The following LANCL2 variants were observed in gnomAD, a reference collection of about 807,000 sequenced individuals.
LANCL2 encodes lanC-like protein 2.
In LANCL2, 33 loss-of-function variants were observed where a neutral mutation model predicts 56.9. The observed-to-expected ratio is 0.58, with a 90% CI of 0.44 to 0.78. LANCL2 has a LOEUF of 0.78. Ranked by LOEUF, LANCL2 falls within the 30% of genes least tolerant of loss-of-function variation. The probability of loss-of-function intolerance (pLI) is 0.00; values close to 1 mark genes in which losing one functional copy is unlikely to be tolerated. For missense variants in LANCL2, 562 were observed against 580.2 expected, an observed-to-expected ratio of 0.97 and a Z score of 0.32; for synonymous variants, 233 against 228.2, an observed-to-expected ratio of 1.02 and a Z score of -0.19.
intron 5 of LANCL2, among the ~76,000 whole-genome samples, chr7:55,409,398 G>C (rs1312686014): frequency 6.6e-6 from 1 of 152,092 alleles, no homozygotes; most frequent in African/African-American, 2.4e-5. Flanking sequence ...CAACTTCCAA[G>C]TTTTGAGTAA....
In LANCL2 at chr7:55,398,711, A is replaced by G. The variant is rs557305726; in HGVS notation, c.530+81A>G. ...TAGAAAGATATTCAGAAAGGAAACTATTTTTCCATTCATCCATTGTTGTAA... is the reference window on the plus strand; with the variant it reads ...TAGAAAGATATTCAGAAAGGAAACTGTTTTTCCATTCATCCATTGTTGTAA... On this transcript the variant is annotated intron_variant, in intron 3 of 8. Coordinates refer to ENST00000254770, the MANE Select transcript of LANCL2 (RefSeq NM_018697.4). The G allele has an allele frequency of 1.4e-4, 149 of 1,074,054 alleles. No homozygotes were observed. In the South Asian group the frequency reaches 1.8e-3, roughly 13 times the overall value. 66.5% of individuals were successfully genotyped at this position (1,074,054 alleles called of 1,614,324 possible).
In LANCL2 at chr7:55,391,014, C is replaced by CT. The variant is rs576740411; in HGVS notation, c.205-759dup. Among the ~76,000 whole-genome samples the CT allele has an allele frequency of 9.5e-3, 1,075 of 113,724 alleles. 15 individuals are homozygous for CT. The highest frequency in any genetic ancestry group is 0.014 in the Non-Finnish European group (752 of 55,604). The allele number at this position is 113,724 out of a possible 152,430, so 74.6% of individuals were successfully genotyped here. On this transcript the variant is annotated intron_variant, in intron 1 of 8. Transcript: ENST00000254770. ...TTTCATTAGTTACTGAGTGATTGAA[C>CT]TTTTTTTTTTTTTTTTTTTTGAGAT...
intron 7 of LANCL2, among the ~76,000 whole-genome samples, chr7:55,427,872 CG>C (rs1438369578): frequency 6.6e-6 from 1 of 152,038 alleles, no homozygotes; most frequent in Non-Finnish European, 1.5e-5. Flanking sequence ...GGCTGAGGGC[CG>C]GGGGCTGGGA....
At chr7:55,391,736 A>G (rs991871871) in intron 1 of LANCL2, 57 bp from the exon 2 acceptor site, 1 of 929,624 alleles carries the variant, frequency 1.1e-6, no homozygotes, top group Non-Finnish European at 1.8e-6. Flanking sequence ...TAAAGTATTT[A>G]TTGCAACATT....
intron 6 of LANCL2, among the ~76,000 whole-genome samples, chr7:55,415,567 T>G (rs896495358): frequency 6.6e-6 from 1 of 150,840 alleles, no homozygotes; most frequent in Admixed American, 6.6e-5. Flanking sequence ...GATACCTTCT[T>G]AATTTTAAGC....
At chr7:55,369,502 T>G (rs1789913451) in intron 1 of LANCL2, among the ~76,000 whole-genome samples, 1 of 152,340 alleles carries the variant, frequency 6.6e-6, no homozygotes, top group Non-Finnish European at 1.5e-5. Flanking sequence ...TTTTACAATA[T>G]TGGGCCAATA....
chr7:55,410,458 G>A (rs924196398), intron 5 of LANCL2, among the ~76,000 whole-genome samples: 6 of 152,058 alleles, frequency 3.9e-5, no homozygotes, highest in African/African-American at 1.4e-4. Flanking sequence ...TTAACTTTTT[G>A]TTGAAGAAAT....
intron 1 of LANCL2, among the ~76,000 whole-genome samples, chr7:55,385,606 A>G (rs1386558220): frequency 1.3e-5 from 2 of 152,230 alleles, no homozygotes; most frequent in Non-Finnish European, 2.9e-5. Flanking sequence ...TGGGTGACAG[A>G]CATCAAGTAC....
intron 6 of LANCL2, among the ~76,000 whole-genome samples, chr7:55,423,748 A>G (rs953240378): frequency 3.9e-5 from 6 of 152,214 alleles, no homozygotes; most frequent in African/African-American, 1.4e-4. Flanking sequence ...AAACTAAGAC[A>G]TAGACTTTCA....
chr7:55,400,284 C>G (rs978757370), intron 4 of LANCL2, among the ~76,000 whole-genome samples, 180 bp downstream of exon 4: 5 of 152,206 alleles, frequency 3.3e-5, no homozygotes, highest in Admixed American at 2.0e-4. Flanking sequence ...AATCTGTACT[C>G]TCTTTCATCT....
chr7:55,412,339 AGAT>A (rs1790480963), intron 6 of LANCL2, among the ~76,000 whole-genome samples: 1 of 152,260 alleles, frequency 6.6e-6, no homozygotes, highest in Admixed American at 6.5e-5. Context: ...AAGAAAACCT[AGAT>A]GACAGAGCAG....
intron 8 of LANCL2, among the ~76,000 whole-genome samples, chr7:55,430,855 A>G (rs1469120074): frequency 5.3e-5 from 8 of 152,232 alleles, no homozygotes; most frequent in Admixed American, 3.3e-4. Context: ...TTCAAATATC[A>G]AGAAGATATA....
intron 1 of LANCL2, among the ~76,000 whole-genome samples, chr7:55,387,541 T>G (rs77843345): frequency 7.2e-6 from 1 of 139,820 alleles, no homozygotes; most frequent in Non-Finnish European, 1.6e-5. Context: ...TTTTTTTTGG[T>G]TTTTTTTTTT....
intron 1 of LANCL2, among the ~76,000 whole-genome samples, chr7:55,370,913 T>G (rs1372587955): frequency 6.6e-6 from 1 of 152,236 alleles, no homozygotes; most frequent in African/African-American, 2.4e-5. Flanking sequence ...TAAAATTGTA[T>G]ATTTAAGGTA....
intron 6 of LANCL2, among the ~76,000 whole-genome samples, chr7:55,416,749 A>G (rs1281311357): frequency 1.3e-5 from 2 of 152,072 alleles, no homozygotes; most frequent in African/African-American, 4.8e-5. Flanking sequence ...TCTTTATGGT[A>G]TCTTTTGACT....
chr7:55,393,821 T>C (rs564027910), intron 2 of LANCL2, among the ~76,000 whole-genome samples: 2 of 152,216 alleles, frequency 1.3e-5, no homozygotes, highest in Non-Finnish European at 2.9e-5. Context: ...GCCAGTTCAC[T>C]TACAGGACCA....
In LANCL2 at chr7:55,366,136, G is replaced by A. The variant is rs775143888; in HGVS notation, c.111G>A (p.Ala37=). ...CGGACTACGAGGCCGCCGCCGGGGCGCTGCTCGCCTCCGGAGCGGCCGAAG... is the reference window on the plus strand; with the variant it reads ...CGGACTACGAGGCCGCCGCCGGGGCACTGCTCGCCTCCGGAGCGGCCGAAG... ...PFPDYEAAAG[A]LLASGAAEET... The change falls in exon 1 of 9, where the codon GCG becomes GCA. Residue 37 remains alanine (A), a synonymous_variant. Transcript: ENST00000254770. 9.0e-6 allele frequency: 14 copies of A among 1,547,058 alleles called. No individual in the cohort carries two copies. The highest frequency in any genetic ancestry group is 5.8e-5 in the Admixed American group (3 of 51,804).
At chr7:55,387,043 G>GT (rs961481593) in intron 1 of LANCL2, among the ~76,000 whole-genome samples, 89 of 152,068 alleles carry the variant, frequency 5.9e-4, no homozygotes, top group African/African-American at 2.0e-3. Flanking sequence ...AAAAGTTTGG[G>GT]TTTTTTTTAA....
At chr7:55,424,022 C>G (rs1790636014) in intron 6 of LANCL2, among the ~76,000 whole-genome samples, 1 of 152,200 alleles carries the variant, frequency 6.6e-6, no homozygotes, top group Non-Finnish European at 1.5e-5. Context: ...GCCTCAGAGC[C>G]CTTCTCGGCT....
Sources: gnomAD v4.1 joint callset for allele counts (sites outside exome capture counted in the v4.1 genomes callset) on GRCh38, gnomAD v4.1.1 for gene constraint, MANE v1.5 for transcripts, NCBI Gene and HGNC (gene_info 2026-07-23, HGNC 2026-07-21) for gene names.